PYGB: variants seen among roughly 807,000 people sequenced by gnomAD.
PYGB encodes the protein glycogen phosphorylase, brain form.
A neutral mutation model predicts 94.3 loss-of-function variants in PYGB; 82 were observed. The ratio of observed to expected loss-of-function variants is 0.87; its 90% CI spans 0.73 to 1.04. PYGB has a LOEUF of 1.04. PYGB is among the 50% of genes least tolerant of loss of function. The pLI, the probability that PYGB is intolerant of heterozygous loss-of-function variation, is 0.00. For missense variants in PYGB, 1,132 were observed against 1,158.2 expected, an observed-to-expected ratio of 0.98 and a Z score of 0.33; for synonymous variants, 488 against 479.1, an observed-to-expected ratio of 1.02 and a Z score of -0.24.
At chr20:25,267,155 T>C (rs1305683438) in intron 2 of PYGB, among the ~76,000 whole-genome samples, 1 of 152,156 alleles carries the variant, frequency 6.6e-6, no homozygotes. Flanking sequence ...TACACAGCAG[T>C]ACAAAGACGG....
chr20:25,280,168 A>G, intron 9 of PYGB, 98 bp from the exon 10 acceptor site: 1 of 1,439,018 alleles, frequency 6.9e-7, no homozygotes, highest in Non-Finnish European at 9.6e-7. Flanking sequence ...GGTACCCAGC[A>G]TCTGCCTGGG....
chr20:25,274,325 G>A (rs986894775), intron 4 of PYGB, among the ~76,000 whole-genome samples: 14 of 152,182 alleles, frequency 9.2e-5, no homozygotes, highest in East Asian at 7.7e-4. Flanking sequence ...CATCCAGATC[G>A]GAGCATGTGT....
chr20:25,274,881 C>T (rs1260727476), intron 5 of PYGB, among the ~76,000 whole-genome samples, 158 bp downstream of exon 5: 1 of 152,216 alleles, frequency 6.6e-6, no homozygotes, highest in Non-Finnish European at 1.5e-5. Context: ...TCCTCACTCC[C>T]CAGTCTCTTA....
At chr20:25,283,897 C>T (rs560821887) in intron 13 of PYGB, among the ~76,000 whole-genome samples, 2 of 152,134 alleles carry the variant, frequency 1.3e-5, no homozygotes, top group Non-Finnish European at 2.9e-5. Context: ...ATCCCCTACT[C>T]TTGGTGTGGA....
At chr20:25,280,536 G>A (rs1201200400) in intron 10 of PYGB, 124 bp downstream of exon 10, 1 of 1,341,006 alleles carries the variant, frequency 7.5e-7, no homozygotes, top group Non-Finnish European at 1.0e-6. Context: ...AGCAGAGGAT[G>A]CTTGGGGCTG....
rs200516357 is a variant in PYGB at position 25,296,733 on chromosome 20, C to G, written c.*211C>G. Reference sequence around the variant, plus strand: ...TGCTCCTAGTTTCTTGTAAAGGAAGCCAGAGTTGACAGTACAAAGGGTCGT... The same window carrying G: ...TGCTCCTAGTTTCTTGTAAAGGAAGGCAGAGTTGACAGTACAAAGGGTCGT... On this transcript the variant is annotated 3_prime_UTR_variant, in exon 20 of 20. Coordinates refer to ENST00000216962, the MANE Select transcript of PYGB (RefSeq NM_002862.4). The G allele has an allele frequency of 6.4e-5, 42 of 656,418 alleles. No homozygotes were observed. Among genetic ancestry groups the G allele is most frequent in the Non-Finnish European group, 9.2e-5 (37 of 401,186 alleles). 40.7% of individuals were successfully genotyped at this position (656,418 alleles called of 1,614,324 possible).
In PYGB at chr20:25,297,672, G is replaced by A. The variant is rs2088570075; in HGVS notation, c.*1150G>A. ...TGCCCAAGAGAGAGGGCAGGGAACA[G>A]GCTACTGTCCTTCCCTGTGGAATTG... On this transcript the variant is annotated 3_prime_UTR_variant, in exon 20 of 20. Coordinates refer to ENST00000216962, the MANE Select transcript of PYGB (RefSeq NM_002862.4). The A allele has an allele frequency of 6.6e-6, 1 of 152,284 alleles. No homozygotes were observed. The highest frequency in any genetic ancestry group is 2.4e-5 in the African/African-American group (1 of 41,460). The allele number at this position is 152,284 out of a possible 1,614,324, so 9.4% of individuals were successfully genotyped here.
At chr20:25,254,071 CAAAAAA>C (rs11350552) in intron 1 of PYGB, among the ~76,000 whole-genome samples, 1 of 129,684 alleles carries the variant, frequency 7.7e-6, no homozygotes, top group Non-Finnish European at 1.7e-5. Context: ...GACTCTGTCT[CAAAAAA>C]AAAAAAAAAA....
intron 1 of PYGB, among the ~76,000 whole-genome samples, chr20:25,257,663 CTT>C: frequency 6.6e-6 from 1 of 152,022 alleles, no homozygotes; most frequent in East Asian, 1.9e-4. Context: ...ACCGTCATCT[CTT>C]AAAAAAAAAT....
chr20:25,271,541 T>C, intron 4 of PYGB, 55 bp downstream of exon 4: 2 of 1,548,234 alleles, frequency 1.3e-6, no homozygotes, highest in South Asian at 1.1e-5. Context: ...CACAATAAAA[T>C]GGCAGCACTT....
chr20:25,290,214 T>C (rs2088453528), intron 15 of PYGB, among the ~76,000 whole-genome samples: 1 of 152,246 alleles, frequency 6.6e-6, no homozygotes, highest in Non-Finnish European at 1.5e-5. Flanking sequence ...TCTTTTACCT[T>C]GTAATTTCTG....
chr20:25,292,124 T>G (rs1163874701), intron 16 of PYGB, among the ~76,000 whole-genome samples: 2 of 152,104 alleles, frequency 1.3e-5, no homozygotes, highest in Non-Finnish European at 2.9e-5. Flanking sequence ...TGGGGAAGGT[T>G]TTGGTGCACA....
chr20:25,260,222 T>A (rs1038565792), intron 2 of PYGB, among the ~76,000 whole-genome samples: 2 of 152,214 alleles, frequency 1.3e-5, no homozygotes, highest in African/African-American at 4.8e-5. Context: ...TGACTTGTCA[T>A]TTACGTCTGT....
chr20:25,291,561 C>T (rs534078489), intron 16 of PYGB, among the ~76,000 whole-genome samples: 17 of 152,290 alleles, frequency 1.1e-4, no homozygotes, highest in African/African-American at 3.6e-4. Flanking sequence ...GCCTGGCAGG[C>T]GAGGTCCCTT....
At chr20:25,282,952 T>C (rs1229060333) in intron 12 of PYGB, among the ~76,000 whole-genome samples, 1 of 152,042 alleles carries the variant, frequency 6.6e-6, no homozygotes, top group Admixed American at 6.5e-5. Flanking sequence ...TGTGGACGTT[T>C]GAACTGGTGG....
At chr20:25,255,838 A>G (rs532654086) in intron 1 of PYGB, among the ~76,000 whole-genome samples, 1 of 151,640 alleles carries the variant, frequency 6.6e-6, no homozygotes, top group East Asian at 1.9e-4. Context: ...GGTTCAGGCG[A>G]TTCTCCTGCC....
At chr20:25,286,980 G>A (rs933581060) in intron 14 of PYGB, among the ~76,000 whole-genome samples, 33 of 152,206 alleles carry the variant, frequency 2.2e-4, no homozygotes, top group Non-Finnish European at 4.0e-4. Flanking sequence ...AGGGGCAGCT[G>A]CATTCCTCCT....
At chr20:25,296,277 A>T (rs914209333) in intron 19 of PYGB, 93 bp from the exon 20 acceptor site, 4 of 1,500,396 alleles carry the variant, frequency 2.7e-6, no homozygotes, top group Non-Finnish European at 3.7e-6. Context: ...CTCGGAGCTC[A>T]TTTGGAAACA....
At chr20:25,250,610 G>C (rs1012665449) in intron 1 of PYGB, among the ~76,000 whole-genome samples, 3 of 152,080 alleles carry the variant, frequency 2.0e-5, no homozygotes, top group Admixed American at 1.3e-4. Context: ...AAAGTTACAT[G>C]CTTGCTGGTG....
Sources: gnomAD v4.1 joint callset for allele counts (sites outside exome capture counted in the v4.1 genomes callset) on GRCh38, gnomAD v4.1.1 for gene constraint, MANE v1.5 for transcripts, NCBI Gene and HGNC (gene_info 2026-07-23, HGNC 2026-07-21) for gene names.